The following GRIN2B variants were observed in gnomAD, a reference collection of about 807,000 sequenced individuals.
GRIN2B encodes the protein glutamate ionotropic receptor NMDA type subunit 2B.
Under a neutral mutation model 114.5 loss-of-function variants are expected in GRIN2B, and 5 were observed. The ratio of observed to expected loss-of-function variants is 0.04; its 90% CI spans 0.02 to 0.09. The LOEUF is 0.09. Among genes scored for constraint, GRIN2B ranks in the 10% least tolerant of loss-of-function variants. The pLI is 1.00. For missense variants in GRIN2B, 1,108 were observed against 1,943.5 expected, an observed-to-expected ratio of 0.57 and a Z score of 8.08; for synonymous variants, 787 against 745.1, an observed-to-expected ratio of 1.06 and a Z score of -0.92.
At chr12:13,659,710 C>T (rs2136525542) in intron 5 of GRIN2B, among the ~76,000 whole-genome samples, 1 of 152,240 alleles carries the variant, frequency 6.6e-6, no homozygotes, top group East Asian at 1.9e-4. Context: ...ATCCTCACTT[C>T]CAATATTACT....
At position 13,594,671 on chromosome 12, in the gene GRIN2B, T is replaced by TAA. The variant is rs34596965; in HGVS notation, c.2010+13930_2010+13931dup. ...ACATGTACCCTAGAACTTAAAGTAT[T>TAA]AAAAAAAAAAAAAGCCGCTCACATG... On this transcript the variant is annotated intron_variant, in intron 10 of 13. Transcript: ENST00000609686. 5.8e-4 allele frequency among the ~76,000 whole-genome samples: 82 copies of TAA among 142,368 alleles called. 1 individual carries two copies. Among genetic ancestry groups the TAA allele is most frequent in the East Asian group, 1.8e-3 (9 of 4,898 alleles). 93.4% of individuals were successfully genotyped at this position (142,368 alleles called of 152,430 possible).
chr12:13,620,562 T>C (rs1949500492), intron 5 of GRIN2B, among the ~76,000 whole-genome samples: 1 of 152,120 alleles, frequency 6.6e-6, no homozygotes, highest in Non-Finnish European at 1.5e-5. Context: ...TCTTTAATGA[T>C]TTTTTAAATG....
chr12:13,875,119 A>G (rs1180437301), intron 2 of GRIN2B, among the ~76,000 whole-genome samples: 1 of 151,202 alleles, frequency 6.6e-6, no homozygotes, highest in African/African-American at 2.4e-5. Context: ...TCCCCCATTC[A>G]TGTATCCACG....
At chr12:13,705,636 A>G (rs942293297) in intron 4 of GRIN2B, among the ~76,000 whole-genome samples, 2 of 152,140 alleles carry the variant, frequency 1.3e-5, no homozygotes, top group Non-Finnish European at 2.9e-5. Flanking sequence ...TTCACCAAAA[A>G]TAGTCCACAA....
At chr12:13,807,304 CTG>C (rs1864619840) in intron 3 of GRIN2B, among the ~76,000 whole-genome samples, 1 of 152,168 alleles carries the variant, frequency 6.6e-6, no homozygotes, top group African/African-American at 2.4e-5. Context: ...TATTTCAGGA[CTG>C]TGAGTAGTCG....
intron 2 of GRIN2B, among the ~76,000 whole-genome samples, chr12:13,923,971 A>G (rs1372572428): frequency 1.3e-5 from 2 of 152,204 alleles, no homozygotes; most frequent in Non-Finnish European, 2.9e-5. Flanking sequence ...TCTTGTAAGG[A>G]GAATTTGAAA....
intron 5 of GRIN2B, among the ~76,000 whole-genome samples, chr12:13,649,805 T>C (rs1949797719): frequency 6.6e-6 from 1 of 152,126 alleles, no homozygotes; most frequent in East Asian, 1.9e-4. Context: ...TTCAAACCTC[T>C]GGCCCCCTGG....
rs756189402 is a variant in GRIN2B at position 13,834,197 on chromosome 12, A to ATTTTTTTTTT, written c.411+31591_411+31600dup. On this transcript the variant is annotated intron_variant, in intron 3 of 13. Transcript: ENST00000609686. ...AGGTGCCCACCACCACGCCTGGCTA[A>ATTTTTTTTTT]TTTTTTTTTTTTTTTTTTTTTAGTA... 6.4e-4 allele frequency among the ~76,000 whole-genome samples: 71 copies of ATTTTTTTTTT among 111,490 alleles called. 1 individual carries two copies. The highest frequency in any genetic ancestry group is 8.5e-4 in the Non-Finnish European group (47 of 55,052). 73.1% of individuals were successfully genotyped at this position (111,490 alleles called of 152,430 possible). A position where few individuals can be genotyped will look rare whatever the true frequency, so the allele number is the denominator to read the frequency against.
chr12:13,729,930 C>CA lies in GRIN2B; in HGVS notation c.1010+23386dup, dbSNP rs1239447812. On this transcript the variant is annotated intron_variant, in intron 4 of 13. Transcript: ENST00000609686. Reference sequence around the variant, plus strand: ...GAAACAAAATGCCAGCATCTCTGGGCAAAAAATCTAAATTGTCAGCACATG... The same window carrying CA: ...GAAACAAAATGCCAGCATCTCTGGGCAAAAAAATCTAAATTGTCAGCACATG... 2.0e-5 allele frequency among the ~76,000 whole-genome samples: 3 copies of CA among 150,216 alleles called. No homozygotes were observed. In the East Asian group the frequency reaches 5.9e-4, roughly 29 times the overall value.
At chr12:13,715,612 A>G (rs913232961) in intron 4 of GRIN2B, among the ~76,000 whole-genome samples, 9 of 151,876 alleles carry the variant, frequency 5.9e-5, no homozygotes, top group African/African-American at 2.2e-4. Flanking sequence ...ATATCTCTCT[A>G]CTTTTTAGAA....
chr12:13,656,219 GA>G (rs111341195), intron 5 of GRIN2B, among the ~76,000 whole-genome samples: 1 of 151,954 alleles, frequency 6.6e-6, no homozygotes, highest in African/African-American at 2.4e-5. Context: ...ATATAAAAAG[GA>G]AAAAAAGCAT....
intron 3 of GRIN2B, among the ~76,000 whole-genome samples, chr12:13,801,796 T>C (rs951175583): frequency 9.9e-5 from 15 of 152,174 alleles, no homozygotes; most frequent in African/African-American, 3.6e-4. Context: ...TCTGTCTTCA[T>C]TTACTCACTG....
At chr12:13,674,395 T>C (rs1265246104) in intron 5 of GRIN2B, among the ~76,000 whole-genome samples, 3 of 152,088 alleles carry the variant, frequency 2.0e-5, no homozygotes, top group African/African-American at 7.2e-5. Context: ...TGGCATAATT[T>C]AAGCCTTATA....
At chr12:13,808,476 A>G (rs546613996) in intron 3 of GRIN2B, among the ~76,000 whole-genome samples, 14 of 151,962 alleles carry the variant, frequency 9.2e-5, no homozygotes, top group African/African-American at 3.1e-4. Context: ...GCTGAGAATG[A>G]TGGTTTCCAG....
At chr12:13,916,735 A>ACACACACACACACAAATGTGTGTG (rs59238170) in intron 2 of GRIN2B, among the ~76,000 whole-genome samples, 1 of 101,904 alleles carries the variant, frequency 9.8e-6, no homozygotes, top group African/African-American at 3.5e-5. Context: ...ACACACACAC[A>ACACACACACACACAAATGTGTGTG]TTTGTGTGTG....
chr12:13,780,561 T>C (rs1864090535), intron 3 of GRIN2B, among the ~76,000 whole-genome samples: 1 of 152,196 alleles, frequency 6.6e-6, no homozygotes, highest in Non-Finnish European at 1.5e-5. Context: ...GGAACATTAA[T>C]GACTGGAGAG....
Position 13,556,614 on chromosome 12 carries a change from G to A in GRIN2B, c.*6169C>T, listed in dbSNP as rs1260537272. ...TGGAAACCTAATCTTTAAAATAACAGTTTAAATTGGGCTTAGTGTTGTGCT... is the reference window on the plus strand; with the variant it reads ...TGGAAACCTAATCTTTAAAATAACAATTTAAATTGGGCTTAGTGTTGTGCT... On this transcript the variant is annotated 3_prime_UTR_variant, in exon 14 of 14. Transcript: ENST00000609686. 1.3e-5 allele frequency: 2 copies of A among 152,160 alleles called. No individual in the cohort carries two copies. Among genetic ancestry groups the A allele is most frequent in the African/African-American group, 4.8e-5 (2 of 41,440 alleles). The allele number at this position is 152,160 out of a possible 1,614,324, so 9.4% of individuals were successfully genotyped here. A position where few individuals can be genotyped will look rare whatever the true frequency, so the allele number is the denominator to read the frequency against.
chr12:13,598,986 T>G (rs903198593), intron 10 of GRIN2B, among the ~76,000 whole-genome samples: 1 of 152,226 alleles, frequency 6.6e-6, no homozygotes, highest in African/African-American at 2.4e-5. Context: ...TGCTCCGTGC[T>G]GAGGGAGTCG....
At position 13,753,272 on chromosome 12, in the gene GRIN2B, C is replaced by T. The variant is rs1863516688; in HGVS notation, c.1010+45G>A. 1.8e-6 allele frequency: 2 copies of T among 1,111,622 alleles called. No individual in the cohort carries two copies. The highest frequency in any genetic ancestry group is 1.5e-5 in the African/African-American group (1 of 65,448). The allele number at this position is 1,111,622 out of a possible 1,614,324, so 68.9% of individuals were successfully genotyped here. On this transcript the variant is annotated intron_variant, in intron 4 of 13. Coordinates refer to ENST00000609686, the MANE Select transcript of GRIN2B (RefSeq NM_000834.5). This position sits in a 1 kb window ranked among gnomAD's most constrained non-coding sequence, Gnocchi z 6.2. ...ACTTCCAACCCCAGTCTTTGAAGCT[C>T]CCCTCTCATCTCCACCATCAATGTG...
Sources: allele counts gnomAD v4.1 joint callset (sites outside exome capture counted in the v4.1 genomes callset), GRCh38; gene constraint gnomAD v4.1.1; non-coding constraint Gnocchi (gnomAD v3.1); transcripts MANE v1.5; gene names NCBI Gene and HGNC (gene_info 2026-07-23, HGNC 2026-07-21).